FAM135B: variants seen among roughly 807,000 people sequenced by gnomAD.
FAM135B encodes family with sequence similarity 135 member B, also known as protein FAM135B.
In FAM135B, 43 loss-of-function variants were observed where a neutral mutation model predicts 127.7. That is an observed-to-expected ratio of 0.34 (90% CI 0.26 to 0.43). The LOEUF (loss-of-function observed/expected upper bound fraction) is 0.43, where lower values mean the gene tolerates loss of function less well. FAM135B is among the 20% of genes least tolerant of loss of function. FAM135B has a pLI of 1.00. For missense variants in FAM135B, 1,558 were observed against 1,725.6 expected, an observed-to-expected ratio of 0.90 and a Z score of 1.72; for synonymous variants, 670 against 665.1, an observed-to-expected ratio of 1.01 and a Z score of -0.11.
intron 2 of FAM135B, among the ~76,000 whole-genome samples, chr8:138,325,285 G>A (rs947409816): frequency 4.6e-5 from 7 of 152,186 alleles, no homozygotes; most frequent in Non-Finnish European, 8.8e-5. Context: ...GATTGTGCAC[G>A]CCTTCAGGTG....
rs1038890641 is a variant in FAM135B at position 138,152,600 on chromosome 8, C to G, written c.1875G>C (p.Glu625Asp). ...TCAAGCTTAGCAGCACCATCTTCCCCTCTTGATCTATTCCCTTTCCTAGAG... is the reference window on the plus strand; with the variant it reads ...TCAAGCTTAGCAGCACCATCTTCCCGTCTTGATCTATTCCCTTTCCTAGAG... ...LSTLGKGIDQ[E>D]GKMVLLSLKL... The change falls in exon 13 of 20, where the codon GAG (glutamate) becomes GAC (aspartate). Residue 625 changes from glutamate to aspartate, a missense_variant. Transcript: ENST00000395297. The G allele has an allele frequency of 6.2e-7, 1 of 1,614,172 alleles. No homozygotes were observed. The highest frequency in any genetic ancestry group is 8.5e-7 in the Non-Finnish European group (1 of 1,180,032).
At chr8:138,387,735 T>C (rs372547377) in intron 1 of FAM135B, among the ~76,000 whole-genome samples, 123 of 152,238 alleles carry the variant, frequency 8.1e-4, no homozygotes, top group African/African-American at 2.8e-3. Context: ...TGGCATGGTA[T>C]ACCCAGGTAC....
intron 1 of FAM135B, among the ~76,000 whole-genome samples, chr8:138,471,449 G>C (rs991647239): frequency 1.3e-5 from 2 of 152,260 alleles, no homozygotes; most frequent in East Asian, 1.9e-4. Context: ...AAGATTAGAA[G>C]GACAGAGATG....
At chr8:138,444,868 G>GT (rs1564007906) in intron 1 of FAM135B, among the ~76,000 whole-genome samples, 1 of 152,080 alleles carries the variant, frequency 6.6e-6, no homozygotes, top group Non-Finnish European at 1.5e-5. Context: ...CCAGGAGCTG[G>GT]TTTTTTGAAA....
intron 4 of FAM135B, among the ~76,000 whole-genome samples, chr8:138,260,006 G>A (rs1005597021): frequency 6.6e-6 from 1 of 152,190 alleles, no homozygotes; most frequent in Non-Finnish European, 1.5e-5. Context: ...GCAGGAGCCA[G>A]AAAGATTAGG....
At chr8:138,363,338 G>A (rs1210451188) in intron 2 of FAM135B, among the ~76,000 whole-genome samples, 1 of 152,108 alleles carries the variant, frequency 6.6e-6, no homozygotes, top group Admixed American at 6.6e-5. Context: ...TGCCCCACAA[G>A]ACAGACTTTG....
At chr8:138,246,704 C>A (rs1821316110) in intron 6 of FAM135B, among the ~76,000 whole-genome samples, 1 of 152,202 alleles carries the variant, frequency 6.6e-6, no homozygotes, top group African/African-American at 2.4e-5. Flanking sequence ...CACTGGGACA[C>A]TGCCTAATGG....
chr8:138,483,939 G>T (rs555438968), intron 1 of FAM135B, among the ~76,000 whole-genome samples: 7 of 152,274 alleles, frequency 4.6e-5, no homozygotes, highest in African/African-American at 1.4e-4. Flanking sequence ...TATCTAGGGG[G>T]ACACTGAATG....
chr8:138,197,426 T>C (rs2131133755), intron 8 of FAM135B, 90 bp downstream of exon 8: 1 of 1,486,616 alleles, frequency 6.7e-7, no homozygotes, highest in Non-Finnish European at 9.1e-7. Context: ...CCTGTGACAT[T>C]TACAAAAGCA....
At position 138,151,547 on chromosome 8, in the gene FAM135B, C is replaced by T. The variant is rs776599196; in HGVS notation, c.2928G>A (p.Pro976=). ...CAGTGCCTGCTTTATGTTTAGCCTC[C>T]GGGAAGGCATTCACTCCTCTATTAA... is the stretch of plus-strand genomic sequence containing the variant. ...TAFNRGVNAF[P]EAKHKAGTVC... Residue 976 remains proline (P), a synonymous_variant, in exon 13 of 20, where the codon CCG becomes CCA. Coordinates refer to ENST00000395297, the MANE Select transcript of FAM135B (RefSeq NM_015912.4). 1.7e-5 allele frequency: 27 copies of T among 1,614,170 alleles called. No individual in the cohort carries two copies. The highest frequency in any genetic ancestry group is 1.6e-4 in the East Asian group (7 of 44,864).
Position 138,354,906 on chromosome 8 carries a change from A to G in FAM135B, c.77+13001T>C, listed in dbSNP as rs528287151. Among the ~76,000 whole-genome samples the G allele has an allele frequency of 2.0e-5, 3 of 152,262 alleles. 1 individual carries two copies. In the South Asian group the frequency reaches 6.2e-4, roughly 32 times the overall value. On this transcript the variant is annotated intron_variant, in intron 2 of 19. Coordinates refer to ENST00000395297, the MANE Select transcript of FAM135B (RefSeq NM_015912.4). ...CTTTTTTTCTAGGGTACATGTGCAC[A>G]ACATGCAGGTTTGTTACATATGTAT... is the stretch of plus-strand genomic sequence containing the variant.
At chr8:138,329,207 G>T (rs1386567993) in intron 2 of FAM135B, among the ~76,000 whole-genome samples, 2 of 152,174 alleles carry the variant, frequency 1.3e-5, no homozygotes, top group Non-Finnish European at 2.9e-5. Context: ...CAGGTAGAGA[G>T]AAATGGAGAG....
In FAM135B at chr8:138,159,196, C is replaced by T. The variant is rs867538649; in HGVS notation, c.1259-5980G>A. Among the ~76,000 whole-genome samples, 79 of 139,022 alleles carry T rather than the reference C, an allele frequency of 5.7e-4. 2 individuals are homozygous for T. The Middle Eastern group carries it at 0.018, about 32-fold the overall frequency. 91.2% of individuals were successfully genotyped at this position (139,022 alleles called of 152,430 possible). A position where few individuals can be genotyped will look rare whatever the true frequency, so the allele number is the denominator to read the frequency against. On this transcript the variant is annotated intron_variant, in intron 12 of 19. Transcript: ENST00000395297. Reference sequence around the variant, plus strand: ...CTGAGGCAGGAGAATGGCGTGAACCCGGGAAGCGGAGCTTGCAGTGAGCCG... The same window carrying T: ...CTGAGGCAGGAGAATGGCGTGAACCTGGGAAGCGGAGCTTGCAGTGAGCCG...
rs150923874 is a variant in FAM135B at position 138,321,484 on chromosome 8, C to T, written c.78-10564G>A. On this transcript the variant is annotated intron_variant, in intron 2 of 19. Coordinates refer to ENST00000395297, the MANE Select transcript of FAM135B (RefSeq NM_015912.4). The stretch of plus-strand genomic sequence containing the variant: ...ATATGGGTGTGCCCACACGTCTGGG[C>T]GAAAATTATCTTTGAGACTTGTGAA... Among the ~76,000 whole-genome samples, 42 of 152,216 alleles carry T rather than the reference C, an allele frequency of 2.8e-4. No individual in the cohort carries two copies. The East Asian group carries it at 6.0e-3, about 22-fold the overall frequency.
At chr8:138,221,163 T>TG (rs1818996017) in intron 7 of FAM135B, among the ~76,000 whole-genome samples, 1 of 152,166 alleles carries the variant, frequency 6.6e-6, no homozygotes, top group East Asian at 1.9e-4. Context: ...GAGGTTTAAT[T>TG]GGCTCATGGT....
At chr8:138,376,910 T>G (rs1449953215) in intron 1 of FAM135B, among the ~76,000 whole-genome samples, 1 of 152,254 alleles carries the variant, frequency 6.6e-6, no homozygotes, top group East Asian at 1.9e-4. Flanking sequence ...TTCTGGCATT[T>G]GTAGATGCCT....
intron 9 of FAM135B, 45 bp from the exon 10 acceptor site, chr8:138,178,735 A>C (rs555003507): frequency 1.3e-6 from 2 of 1,570,690 alleles, no homozygotes; most frequent in Admixed American, 3.4e-5. Context: ...TGACTCCATG[A>C]AGTCAGGAGC....
At position 138,178,566 on chromosome 8, in the gene FAM135B, G is replaced by A. The variant is rs1563734067; in HGVS notation, c.998C>T (p.Thr333Ile). The A allele has an allele frequency of 6.2e-7, 1 of 1,614,046 alleles. No individual in the cohort carries two copies. The highest frequency in any genetic ancestry group is 2.2e-5 in the East Asian group (1 of 44,858). Reference sequence around the variant, plus strand: ...GGTGTGGTGTTCCTGGGTGAGATAAGTGGTCACTTGGGAGTGCAGAGTGAC... The same window carrying A: ...GGTGTGGTGTTCCTGGGTGAGATAAATGGTCACTTGGGAGTGCAGAGTGAC... ...DTVTLHSQVTTYLTQEHHTLR... is the reference protein window; with the variant it reads ...DTVTLHSQVTIYLTQEHHTLR... The change falls in exon 10 of 20, where the codon ACT becomes ATT. Residue 333 changes from threonine (T) to isoleucine (I), a missense_variant. Physicochemically the swap from Thr to Ile is moderately conservative, Grantham distance 89. Transcript: ENST00000395297.
chr8:138,470,016 C>A (rs1321189025), intron 1 of FAM135B, among the ~76,000 whole-genome samples: 3 of 152,154 alleles, frequency 2.0e-5, no homozygotes, highest in Non-Finnish European at 1.5e-5. Flanking sequence ...AAAGCAGACA[C>A]ATTCTCCTCG....
Sources: gnomAD v4.1 joint callset for allele counts (sites outside exome capture counted in the v4.1 genomes callset) on GRCh38, gnomAD v4.1.1 for gene constraint, MANE v1.5 for transcripts, NCBI Gene and HGNC (gene_info 2026-07-23, HGNC 2026-07-21) for gene names.